The following CHRM2 variants were observed in gnomAD, a reference collection of about 807,000 sequenced individuals.
The protein encoded by CHRM2 is muscarinic acetylcholine receptor M2.
Under a neutral mutation model 25.0 loss-of-function variants are expected in CHRM2, and 8 were observed. That is an observed-to-expected ratio of 0.32 (90% CI 0.19 to 0.58). The LOEUF (loss-of-function observed/expected upper bound fraction) is 0.58, where lower values mean the gene tolerates loss of function less well. Among genes scored for constraint, CHRM2 ranks in the 20% least tolerant of loss-of-function variants. The pLI, the probability that CHRM2 is intolerant of heterozygous loss-of-function variation, is 0.88. For missense variants in CHRM2, 440 were observed against 567.1 expected (o/e 0.78, Z 2.28); for synonymous variants, 202 against 205.7 (o/e 0.98, Z 0.15).
chr7:136,969,913 G>A (rs1016312756), intron 2 of CHRM2, among the ~76,000 whole-genome samples: 1 of 152,146 alleles, frequency 6.6e-6, no homozygotes, highest in Admixed American at 6.5e-5. Flanking sequence ...CTCACAGTCC[G>A]GTAGCTGGGA....
chr7:136,972,038 CTT>C (rs547875416), intron 2 of CHRM2, among the ~76,000 whole-genome samples: 68 of 152,006 alleles, frequency 4.5e-4, no homozygotes, highest in Middle Eastern at 3.5e-3. Context: ...GTCTGACTGT[CTT>C]GTTACTGATT....
intron 2 of CHRM2, among the ~76,000 whole-genome samples, chr7:136,934,341 C>T (rs62485251): frequency 2.9e-4 from 44 of 151,958 alleles, no homozygotes; most frequent in African/African-American, 9.4e-4. Context: ...ATTTTTTATT[C>T]TTATGTCCAC....
intron 2 of CHRM2, among the ~76,000 whole-genome samples, chr7:136,944,483 G>GTGTGTACATGTATACATATA (rs1799953593): frequency 6.8e-6 from 1 of 147,838 alleles, no homozygotes; most frequent in Non-Finnish European, 1.5e-5. Flanking sequence ...ATGTGTGTGT[G>GTGTGTACATGTATACATATA]TGTGTACATG....
chr7:136,907,302 C>T (rs1449341286), intron 2 of CHRM2, among the ~76,000 whole-genome samples: 1 of 151,904 alleles, frequency 6.6e-6, no homozygotes, highest in African/African-American at 2.4e-5. Flanking sequence ...TTCTGTACTT[C>T]AAGACTGTAA....
chr7:136,961,859 G>A (rs1406091109), intron 2 of CHRM2, among the ~76,000 whole-genome samples: 1 of 152,116 alleles, frequency 6.6e-6, no homozygotes, highest in East Asian at 1.9e-4. Flanking sequence ...GGAGAAGAAA[G>A]TAGAGGAGAA....
intron 3 of CHRM2, among the ~76,000 whole-genome samples, chr7:136,999,013 A>G (rs1203170350): frequency 6.6e-6 from 1 of 152,172 alleles, no homozygotes; most frequent in African/African-American, 2.4e-5. Context: ...CCTCACTTAG[A>G]TACATTGATA....
intron 2 of CHRM2, chr7:136,903,071 A>G (rs1584725301): frequency 1.9e-6 from 1 of 519,336 alleles, no homozygotes; most frequent in African/African-American, 2.0e-5. Context: ...AAATTCTGAC[A>G]CAGAAGACAA....
At chr7:137,007,723 C>G (rs1804539123) in intron 3 of CHRM2, among the ~76,000 whole-genome samples, 1 of 152,040 alleles carries the variant, frequency 6.6e-6, no homozygotes. Context: ...CATCTGTAAG[C>G]AAAATTTAAG....
rs964147294 is a variant in CHRM2, at chr7:136,907,121, A to G, written c.-125+37703A>G. Among the ~76,000 whole-genome samples the G allele has an allele frequency of 8.9e-4, 135 of 152,006 alleles. 1 individual carries two copies. The highest frequency in any genetic ancestry group is 3.1e-3 in the African/African-American group (130 of 41,510). On this transcript the variant is annotated intron_variant, in intron 2 of 3. Transcript: ENST00000680005. ...ATCTAACAGGAGGTGAAGCTCAGGC[A>G]GTAATGCAAGTGATGGGCAGTGGCT... is the stretch of plus-strand genomic sequence containing the variant.
At chr7:136,930,160 T>C (rs577989211) in intron 2 of CHRM2, among the ~76,000 whole-genome samples, 134 of 152,186 alleles carry the variant, frequency 8.8e-4, no homozygotes, top group African/African-American at 3.1e-3. Context: ...AGGCCGGGCA[T>C]GGTGGCTCAC....
At chr7:136,903,365 T>C (rs1797345671) in intron 2 of CHRM2, 1 of 387,688 alleles carries the variant, frequency 2.6e-6, no homozygotes, top group Admixed American at 3.4e-5. Flanking sequence ...AAAGGAAGTC[T>C]TACTCTTCCT....
intron 2 of CHRM2, among the ~76,000 whole-genome samples, chr7:136,953,749 A>G (rs1049868598): frequency 8.6e-5 from 13 of 151,814 alleles, no homozygotes; most frequent in African/African-American, 2.2e-4. Flanking sequence ...AAAAACAAAT[A>G]TATTTCAGAC....
At chr7:136,992,591 T>G (rs1803302911) in intron 3 of CHRM2, among the ~76,000 whole-genome samples, 1 of 152,032 alleles carries the variant, frequency 6.6e-6, no homozygotes, top group African/African-American at 2.4e-5. Context: ...ATTTCCTGAG[T>G]TTTTTAAATT....
At chr7:136,908,989 T>G (rs1797700384) in intron 2 of CHRM2, among the ~76,000 whole-genome samples, 1 of 151,900 alleles carries the variant, frequency 6.6e-6, no homozygotes, top group South Asian at 2.1e-4. Flanking sequence ...TCCTTTGAAT[T>G]ATGAGTTTTT....
intron 2 of CHRM2, among the ~76,000 whole-genome samples, chr7:136,890,848 G>T (rs1369289903): frequency 6.6e-6 from 1 of 151,888 alleles, no homozygotes; most frequent in East Asian, 1.9e-4. Context: ...TGTATGTGTG[G>T]ATATGTGTAT....
intron 2 of CHRM2, among the ~76,000 whole-genome samples, chr7:136,945,629 A>G (rs937657255): frequency 7.2e-5 from 11 of 152,196 alleles, no homozygotes; most frequent in Admixed American, 5.2e-4. Context: ...ATAGCCTTGT[A>G]GTATAATTTG....
intron 2 of CHRM2, among the ~76,000 whole-genome samples, chr7:136,959,871 A>G (rs1279090910): frequency 6.6e-6 from 1 of 152,182 alleles, no homozygotes; most frequent in Non-Finnish European, 1.5e-5. Context: ...AGATCGCACC[A>G]TTGCACTCCA....
At chr7:136,944,867 C>T (rs1212002030) in intron 2 of CHRM2, among the ~76,000 whole-genome samples, 2 of 152,040 alleles carry the variant, frequency 1.3e-5, no homozygotes, top group Admixed American at 6.6e-5. Context: ...TACATTCCCA[C>T]CAGCAGTGTA....
At chr7:136,938,456 TC>T (rs1157626197) in intron 2 of CHRM2, 1 of 1,201,016 alleles carries the variant, frequency 8.3e-7, no homozygotes, top group Non-Finnish European at 1.2e-6. Context: ...ATCTGCTCCT[TC>T]CCCTGGATGC....
Sources: allele counts gnomAD v4.1 joint callset (sites outside exome capture counted in the v4.1 genomes callset), GRCh38; gene constraint gnomAD v4.1.1; transcripts MANE v1.5; gene names NCBI Gene and HGNC (gene_info 2026-07-23, HGNC 2026-07-21).